Variants in TMEM232 observed in about 807,000 individuals in gnomAD.
TMEM232 encodes the protein transmembrane protein 232.
TMEM232 carries 80 observed loss-of-function variants against 78.8 expected under a neutral mutation model. The ratio of observed to expected loss-of-function variants is 1.01; its 90% CI spans 0.85 to 1.22. TMEM232 has a LOEUF of 1.22. TMEM232 is among the 50% of genes most tolerant of loss of function. TMEM232 has a pLI of 0.00. For synonymous variants in TMEM232, 297 were observed against 254.3 expected (o/e 1.17, Z -1.60); for missense variants, 881 against 742.2 (o/e 1.19, Z -2.17).
chr5:110,653,943 G>A (rs960909524), intron 2 of TMEM232, among the ~76,000 whole-genome samples: 1 of 152,100 alleles, frequency 6.6e-6, no homozygotes, highest in African/African-American at 2.4e-5. Context: ...AATTTCAAGA[G>A]GAAGAATACT....
At chr5:110,590,683 T>A (rs988793754) in intron 10 of TMEM232, among the ~76,000 whole-genome samples, 1 of 151,318 alleles carries the variant, frequency 6.6e-6, no homozygotes, top group African/African-American at 2.4e-5. Flanking sequence ...TTCATGGGGG[T>A]TGTATTCATC....
intron 12 of TMEM232, among the ~76,000 whole-genome samples, chr5:110,524,413 AAG>A (rs1491048757): frequency 7.6e-5 from 5 of 65,900 alleles, no homozygotes; most frequent in Admixed American, 6.1e-4. Flanking sequence ...GAAAGAAAGA[AAG>A]AAAAGAAAAG....
intron 11 of TMEM232, among the ~76,000 whole-genome samples, chr5:110,554,726 A>G (rs1774873942): frequency 1.3e-5 from 2 of 152,144 alleles, no homozygotes; most frequent in Non-Finnish European, 2.9e-5. Context: ...TAGTTTCAAT[A>G]TGATTGATAC....
chr5:110,441,158 C>T (rs1028573678), intron 12 of TMEM232, among the ~76,000 whole-genome samples: 1 of 152,002 alleles, frequency 6.6e-6, no homozygotes, highest in Admixed American at 6.6e-5. Flanking sequence ...GATATTTGGG[C>T]TTAGATACTG....
chr5:110,523,977 C>A (rs79488597), intron 12 of TMEM232, among the ~76,000 whole-genome samples: 2 of 15,584 alleles, frequency 1.3e-4, no homozygotes, highest in African/African-American at 2.8e-4. Context: ...GGGGGGGGGG[C>A]GGGGGGGCTG....
intron 3 of TMEM232, among the ~76,000 whole-genome samples, chr5:110,390,900 C>T (rs1755152047): frequency 6.6e-6 from 1 of 152,172 alleles, no homozygotes; most frequent in South Asian, 2.1e-4. Flanking sequence ...CTATCATTTG[C>T]ATGTTAACAA....
At chr5:110,737,479 A>C (rs1799303378) in intron 1 of TMEM232, among the ~76,000 whole-genome samples, 1 of 152,288 alleles carries the variant, frequency 6.6e-6, no homozygotes, top group South Asian at 2.1e-4. Flanking sequence ...TCCATCAGAA[A>C]GTTATGTTTT....
chr5:110,491,892 TATAA>T (rs920337792), intron 12 of TMEM232, among the ~76,000 whole-genome samples: 10 of 151,740 alleles, frequency 6.6e-5, no homozygotes, highest in African/African-American at 1.5e-4. Context: ...TAAAATAAAT[TATAA>T]ATAGAGATTA....
chr5:110,669,312 C>T (rs946138970), intron 1 of TMEM232, among the ~76,000 whole-genome samples: 1 of 152,130 alleles, frequency 6.6e-6, no homozygotes, highest in African/African-American at 2.4e-5. Context: ...CCACCAATCC[C>T]ACAGAAATAC....
chr5:110,499,520 T>A (rs949637845), intron 12 of TMEM232, among the ~76,000 whole-genome samples: 2 of 151,938 alleles, frequency 1.3e-5, no homozygotes, highest in Non-Finnish European at 2.9e-5. Context: ...CCTTCCAAAG[T>A]GCCAGGATTA....
intron 12 of TMEM232, among the ~76,000 whole-genome samples, chr5:110,489,147 C>G (rs1388985830): frequency 2.0e-5 from 3 of 151,880 alleles, no homozygotes; most frequent in Non-Finnish European, 4.4e-5. Context: ...TAACATCATT[C>G]TTTCATAAAT....
At chr5:110,590,272 TC>T (rs749687994) in intron 10 of TMEM232, among the ~76,000 whole-genome samples, 1 of 152,100 alleles carries the variant, frequency 6.6e-6, no homozygotes, top group Non-Finnish European at 1.5e-5. Flanking sequence ...CTTCTTGTCC[TC>T]TAGATTCTTC....
At chr5:110,396,450 A>T (rs1755391338) in intron 3 of TMEM232, among the ~76,000 whole-genome samples, 1 of 152,198 alleles carries the variant, frequency 6.6e-6, no homozygotes, top group Non-Finnish European at 1.5e-5. Context: ...TAGTTGCTGC[A>T]GTAAATCCTA....
intron 12 of TMEM232, among the ~76,000 whole-genome samples, chr5:110,491,390 G>A (rs1765081546): frequency 6.6e-6 from 1 of 152,002 alleles, no homozygotes; most frequent in Non-Finnish European, 1.5e-5. Context: ...GGTGCAGTTG[G>A]TTTGAGAAAA....
intron 10 of TMEM232, among the ~76,000 whole-genome samples, chr5:110,596,067 C>T (rs1353309339): frequency 2.6e-5 from 4 of 152,100 alleles, no homozygotes; most frequent in African/African-American, 9.7e-5. Flanking sequence ...ATCAGACTAA[C>T]GGCAGATCTC....
intron 11 of TMEM232, among the ~76,000 whole-genome samples, chr5:110,565,566 G>C (rs572231116): frequency 6.6e-6 from 1 of 151,972 alleles, no homozygotes; most frequent in Non-Finnish European, 1.5e-5. Context: ...TAAGGCTGAG[G>C]AATAACTTGT....
chr5:110,587,443 T>C (rs1387373567), intron 10 of TMEM232, among the ~76,000 whole-genome samples: 1 of 151,984 alleles, frequency 6.6e-6, no homozygotes, highest in African/African-American at 2.4e-5. Flanking sequence ...CTATTAAAAC[T>C]TGCAGACATT....
chr5:110,556,341 CTCCCT>C (rs528923293), intron 11 of TMEM232, among the ~76,000 whole-genome samples: 14 of 144,604 alleles, frequency 9.7e-5, no homozygotes, highest in Admixed American at 2.7e-4. Flanking sequence ...CCTTTCCTTC[CTCCCT>C]TCCCTTCCCT....
intron 12 of TMEM232, among the ~76,000 whole-genome samples, chr5:110,477,671 A>G (rs1024825648): frequency 8.6e-5 from 13 of 151,890 alleles, no homozygotes; most frequent in African/African-American, 3.1e-4. Context: ...TTCCTAAAAC[A>G]TCTGTATCTT....
Sources: gnomAD v4.1 joint callset for allele counts (sites outside exome capture counted in the v4.1 genomes callset) on GRCh38, gnomAD v4.1.1 for gene constraint, MANE v1.5 for transcripts, NCBI Gene and HGNC (gene_info 2026-07-23, HGNC 2026-07-21) for gene names.